The following AGGF1 variants were observed in gnomAD, a reference collection of about 807,000 sequenced individuals.
The protein encoded by AGGF1 is angiogenic factor with G patch and FHA domains 1.
AGGF1 carries 56 observed loss-of-function variants against 86.5 expected under a neutral mutation model. The observed-to-expected ratio is 0.65, with a 90% CI of 0.52 to 0.81. The LOEUF (loss-of-function observed/expected upper bound fraction) is 0.81, where lower values mean the gene tolerates loss of function less well. Ranked by LOEUF, AGGF1 falls within the 30% of genes least tolerant of loss-of-function variation. The probability of loss-of-function intolerance (pLI) is 0.00; values close to 1 mark genes in which losing one functional copy is unlikely to be tolerated. For synonymous variants in AGGF1, 313 were observed against 297.1 expected (o/e 1.05, Z -0.55); for missense variants, 816 against 850.9 (o/e 0.96, Z 0.51).
rs1747611699 is a variant in AGGF1, at chr5:77,063,725, T to C, written c.*473T>C. On this transcript the variant is annotated 3_prime_UTR_variant, in exon 14 of 14. Transcript: ENST00000312916. ...AAAAATGTTGCGAAAACATGGGTAG[T>C]GGCGCATACATTTTGTTATCCTTGA... 6.0e-6 allele frequency: 1 copy of C among 167,308 alleles called. No homozygotes were observed. The highest frequency in any genetic ancestry group is 1.3e-5 in the Non-Finnish European group (1 of 77,202). 10.4% of individuals were successfully genotyped at this position (167,308 alleles called of 1,614,324 possible).
intron 5 of AGGF1, among the ~76,000 whole-genome samples, chr5:77,044,860 C>G (rs991052217): frequency 6.6e-6 from 1 of 151,972 alleles, no homozygotes; most frequent in Non-Finnish European, 1.5e-5. Context: ...GTCAAGAGAT[C>G]GAGACCAGTC....
chr5:77,056,976 A>G (rs1362686140), intron 11 of AGGF1, among the ~76,000 whole-genome samples: 2 of 152,204 alleles, frequency 1.3e-5, no homozygotes, highest in Non-Finnish European at 2.9e-5. Context: ...ACCAAAGAAG[A>G]TATGCTGATG....
At chr5:77,038,630 T>A (rs2150728083) in intron 4 of AGGF1, among the ~76,000 whole-genome samples, 1 of 152,270 alleles carries the variant, frequency 6.6e-6, no homozygotes, top group Non-Finnish European at 1.5e-5. Flanking sequence ...TTGTAAGAGA[T>A]CTGCAAAATG....
intron 6 of AGGF1, among the ~76,000 whole-genome samples, chr5:77,046,963 G>T (rs1481535996): frequency 6.6e-6 from 1 of 152,144 alleles, no homozygotes; most frequent in Non-Finnish European, 1.5e-5. Context: ...ATAGATTAAG[G>T]CTGTTTTAGT....
chr5:77,037,578 G>A (rs1746988921), intron 4 of AGGF1, among the ~76,000 whole-genome samples: 6 of 152,130 alleles, frequency 3.9e-5, no homozygotes, highest in Admixed American at 3.9e-4. Context: ...TCGAGTGCAA[G>A]ACCAGCCTGG....
chr5:77,040,516 G>A (rs1230461888), intron 5 of AGGF1, among the ~76,000 whole-genome samples: 1 of 151,822 alleles, frequency 6.6e-6, no homozygotes, highest in Admixed American at 6.6e-5. Flanking sequence ...CAATGGTTAA[G>A]AAAGCGATAG....
At chr5:77,060,042 T>C (rs1747529465) in intron 12 of AGGF1, among the ~76,000 whole-genome samples, 1 of 152,066 alleles carries the variant, frequency 6.6e-6, no homozygotes, top group African/African-American at 2.4e-5. Context: ...GGGTTTCACA[T>C]GTTGTTGGCC....
In AGGF1 at chr5:77,048,345, G is replaced by C. The variant is rs1031902945; in HGVS notation, c.1313+73G>C. The C allele has an allele frequency of 1.2e-5, 15 of 1,237,124 alleles. No individual in the cohort carries two copies. The Admixed American group carries it at 2.8e-4, about 23-fold the overall frequency. The allele number at this position is 1,237,124 out of a possible 1,614,324, so 76.6% of individuals were successfully genotyped here. On this transcript the variant is annotated intron_variant, in intron 7 of 13. Coordinates refer to ENST00000312916, the MANE Select transcript of AGGF1 (RefSeq NM_018046.5). ...GGCTTTATTAAGAGCATGTATTTTT[G>C]TTTGTTTGTTTGTTTTTTGTTTTTG...
chr5:77,030,787 C>A lies in AGGF1; in HGVS notation c.21C>A (p.Ser7=), dbSNP rs1306830791. Residue 7 remains serine, a synonymous_variant, in exon 1 of 14, where the codon TCC becomes TCA. Transcript: ENST00000312916. ...AGCTCATGGCCTCGGAGGCGCCGTC[C>A]CCGCCGCGGTCGCCGCCGCCGCCCA... MASEAP[S]PPRSPPPPTS... 1.9e-6 allele frequency: 3 copies of A among 1,587,722 alleles called. No individual in the cohort carries two copies. The highest frequency in any genetic ancestry group is 1.3e-5 in the African/African-American group (1 of 74,538).
At chr5:77,031,033 C>T (rs1746840218) in intron 1 of AGGF1, 57 bp downstream of exon 1, 1 of 1,579,324 alleles carries the variant, frequency 6.3e-7, no homozygotes, top group Non-Finnish European at 8.7e-7. Context: ...CCTTCGAAGC[C>T]CGTGATAGCC....
chr5:77,063,295 G>T lies in AGGF1; in HGVS notation c.*43G>T, dbSNP rs1322857845. 1.3e-6 allele frequency: 2 copies of T among 1,573,762 alleles called. No homozygotes were observed. The stretch of plus-strand genomic sequence containing the variant: ...AAAACCTCTAGTTTTTTTAAAAATA[G>T]AATTTGGAAACTTATTTTTTCTCCC... On this transcript the variant is annotated 3_prime_UTR_variant, in exon 14 of 14. Transcript: ENST00000312916.
chr5:77,049,304 A>C (rs1272621187), intron 8 of AGGF1, among the ~76,000 whole-genome samples: 1 of 152,190 alleles, frequency 6.6e-6, no homozygotes, highest in Non-Finnish European at 1.5e-5. Context: ...CCTTTAAAAA[A>C]TGAATCTTAC....
intron 1 of AGGF1, 64 bp from the exon 2 acceptor site, chr5:77,034,354 A>G: frequency 1.0e-6 from 1 of 964,026 alleles, no homozygotes; most frequent in Non-Finnish European, 1.7e-6. Context: ...ACGGTAGGAG[A>G]CTGGTATATA....
chr5:77,048,020 C>A (rs1747302457), intron 6 of AGGF1, 141 bp from the exon 7 acceptor site: 2 of 681,960 alleles, frequency 2.9e-6, no homozygotes, highest in Non-Finnish European at 2.6e-6. Context: ...TATTATACAG[C>A]AGAATTTAAG....
intron 5 of AGGF1, 136 bp downstream of exon 5, chr5:77,039,855 A>C: frequency 2.8e-6 from 2 of 721,408 alleles, no homozygotes; most frequent in Non-Finnish European, 4.5e-6. Context: ...AGGAAAGTTT[A>C]GATGGAGCAA....
intron 8 of AGGF1, 56 bp downstream of exon 8, chr5:77,049,043 A>G: frequency 3.3e-6 from 5 of 1,534,400 alleles, no homozygotes; most frequent in Non-Finnish European, 4.5e-6. Context: ...TTATATTATT[A>G]TTACAGTAGA....
chr5:77,031,917 A>G (rs939930462), intron 1 of AGGF1, among the ~76,000 whole-genome samples: 2 of 152,048 alleles, frequency 1.3e-5, no homozygotes, highest in African/African-American at 2.4e-5. Context: ...ATAAAAACCA[A>G]AAAACCAAGA....
chr5:77,056,277 G>A (rs1747457084), intron 11 of AGGF1, among the ~76,000 whole-genome samples: 1 of 132,724 alleles, frequency 7.5e-6, no homozygotes, highest in South Asian at 2.4e-4. Context: ...CACCCAGGCT[G>A]GAGTGCAGTG....
At chr5:77,054,862 G>T (rs1213971698) in intron 10 of AGGF1, among the ~76,000 whole-genome samples, 1 of 152,136 alleles carries the variant, frequency 6.6e-6, no homozygotes, top group Non-Finnish European at 1.5e-5. Flanking sequence ...GCCAAGGCAT[G>T]AAGGGTTATT....
Sources: allele counts gnomAD v4.1 joint callset (sites outside exome capture counted in the v4.1 genomes callset), GRCh38; gene constraint gnomAD v4.1.1; transcripts MANE v1.5; gene names NCBI Gene and HGNC (gene_info 2026-07-23, HGNC 2026-07-21).